Variants in OPHN1 observed in about 807,000 individuals in gnomAD.
OPHN1 encodes oligophrenin-1.
OPHN1 carries 11 observed loss-of-function variants against 60.7 expected under a neutral mutation model. That is an observed-to-expected ratio of 0.18 (90% CI 0.11 to 0.30). The LOEUF (loss-of-function observed/expected upper bound fraction) is 0.30, where lower values mean the gene tolerates loss of function less well. Among genes scored for constraint, OPHN1 ranks in the 10% least tolerant of loss-of-function variants. The probability of loss-of-function intolerance (pLI) is 1.00; values close to 1 mark genes in which losing one functional copy is unlikely to be tolerated. For synonymous variants in OPHN1, 226 were observed against 222.6 expected (o/e 1.02, Z -0.14); for missense variants, 449 against 611.0 (o/e 0.73, Z 2.80).
At chrX:68,220,454 C>A (rs1388395444) in intron 6 of OPHN1, among the ~76,000 whole-genome samples, 2 of 110,072 alleles carry the variant, frequency 1.8e-5, no homozygotes, top group Non-Finnish European at 3.8e-5. Context: ...ATTCTGATAC[C>A]AAAGCCTGGC....
intron 15 of OPHN1, among the ~76,000 whole-genome samples, chrX:68,153,921 T>C (rs1401692264): frequency 3.6e-5 from 4 of 111,755 alleles, no homozygotes; most frequent in Non-Finnish European, 7.5e-5. Context: ...AAGAATAATA[T>C]TAACATTTTT....
At chrX:68,127,004 T>A (rs1205594953) in intron 15 of OPHN1, among the ~76,000 whole-genome samples, 1 of 112,218 alleles carries the variant, frequency 8.9e-6, no homozygotes, top group East Asian at 2.8e-4. Flanking sequence ...TGACTCTTGC[T>A]TGTCTATAAA....
At chrX:68,315,579 A>C (rs1267267841) in intron 2 of OPHN1, among the ~76,000 whole-genome samples, 1 of 112,002 alleles carries the variant, frequency 8.9e-6, no homozygotes, top group African/African-American at 3.2e-5. Flanking sequence ...TAACAAGTAA[A>C]GAAAATAAAA....
chrX:68,390,718 C>T (rs183124001), intron 2 of OPHN1, among the ~76,000 whole-genome samples: 2 of 111,923 alleles, frequency 1.8e-5, no homozygotes, highest in East Asian at 5.6e-4. Flanking sequence ...ATGGTCCCTG[C>T]CCTTGTACAA....
intron 2 of OPHN1, among the ~76,000 whole-genome samples, chrX:68,413,595 C>T (rs992099489): frequency 1.7e-4 from 19 of 111,391 alleles, no homozygotes; most frequent in African/African-American, 5.9e-4. Context: ...CTCTCTGTTG[C>T]AATTCCAAAA....
intron 2 of OPHN1, among the ~76,000 whole-genome samples, chrX:68,343,940 G>C (rs1467535606): frequency 8.9e-6 from 1 of 111,899 alleles, no homozygotes; most frequent in Non-Finnish European, 1.9e-5. Flanking sequence ...CTGGCGTATA[G>C]CCTTGCTACT....
At chrX:68,427,857 G>A (rs758120515) in intron 2 of OPHN1, among the ~76,000 whole-genome samples, 4 of 110,273 alleles carry the variant, frequency 3.6e-5, no homozygotes, top group East Asian at 5.7e-4. Flanking sequence ...TAGGCTGGGC[G>A]TGGTGGCTCA....
intron 2 of OPHN1, among the ~76,000 whole-genome samples, chrX:68,385,606 A>G (rs1602375026): frequency 8.9e-6 from 1 of 112,495 alleles, no homozygotes; most frequent in East Asian, 2.8e-4. Flanking sequence ...TCTACATTTC[A>G]TATTCTGAAA....
At chrX:68,404,377 C>G (rs746824120) in intron 2 of OPHN1, among the ~76,000 whole-genome samples, 31 of 111,018 alleles carry the variant, frequency 2.8e-4, no homozygotes, top group Admixed American at 8.7e-4. Flanking sequence ...CCAGGATGGT[C>G]TCCATCTCTT....
intron 15 of OPHN1, among the ~76,000 whole-genome samples, chrX:68,183,485 A>T (rs1322499006): frequency 1.8e-5 from 2 of 112,016 alleles, no homozygotes; most frequent in Non-Finnish European, 3.8e-5. Context: ...GGGAGAACAA[A>T]GGTTAAAAAG....
chrX:68,108,906 G>A (rs1446682834), intron 18 of OPHN1, among the ~76,000 whole-genome samples: 1 of 111,435 alleles, frequency 9.0e-6, no homozygotes, highest in Non-Finnish European at 1.9e-5. Flanking sequence ...GGTATACTTA[G>A]AGGAATCTAG....
intron 6 of OPHN1, among the ~76,000 whole-genome samples, chrX:68,221,100 C>G (rs1288615755): frequency 5.2e-5 from 5 of 96,565 alleles, no homozygotes; most frequent in Non-Finnish European, 1.0e-4. Context: ...GATACAAAAT[C>G]AATGTACAAA....
At chrX:68,339,087 A>ATATAT (rs1167511529) in intron 2 of OPHN1, among the ~76,000 whole-genome samples, 5 of 90,984 alleles carry the variant, frequency 5.5e-5, no homozygotes, top group African/African-American at 2.6e-4. Flanking sequence ...GAAAAAAAAA[A>ATATAT]ATATATATAT....
chrX:68,214,725 G>A (rs987309929), intron 6 of OPHN1, among the ~76,000 whole-genome samples: 5 of 112,130 alleles, frequency 4.5e-5, no homozygotes, highest in Admixed American at 9.5e-5. Flanking sequence ...GGCCAAGTGC[G>A]GTAGCTCACA....
chrX:68,350,822 G>A (rs2078406887), intron 2 of OPHN1, among the ~76,000 whole-genome samples: 1 of 110,903 alleles, frequency 9.0e-6, no homozygotes, highest in Admixed American at 9.7e-5. Flanking sequence ...GTCAAAAAAA[G>A]CCTTTAAAAT....
chrX:68,372,375 T>A (rs1490628016), intron 2 of OPHN1, among the ~76,000 whole-genome samples: 1 of 111,450 alleles, frequency 9.0e-6, no homozygotes. Context: ...ATGCCACTGA[T>A]CTGTATACTT....
intron 10 of OPHN1, among the ~76,000 whole-genome samples, chrX:68,202,740 C>G (rs1446500425): frequency 9.1e-6 from 1 of 109,826 alleles, no homozygotes; most frequent in Non-Finnish European, 1.9e-5. Context: ...CGTGATCCAC[C>G]CACCTCAGCC....
At chrX:68,379,267 G>A (rs1289940574) in intron 2 of OPHN1, among the ~76,000 whole-genome samples, 1 of 111,536 alleles carries the variant, frequency 9.0e-6, no homozygotes, top group Non-Finnish European at 1.9e-5. Flanking sequence ...TATGATTTTT[G>A]CACATTGATT....
chrX:68,356,826 T>A (rs1308419514), intron 2 of OPHN1, among the ~76,000 whole-genome samples: 1 of 111,233 alleles, frequency 9.0e-6, no homozygotes, highest in African/African-American at 3.3e-5. Context: ...TAAAACAGTC[T>A]CCACAATAGG....
Sources: gnomAD v4.1 joint callset for allele counts (sites outside exome capture counted in the v4.1 genomes callset) on GRCh38, gnomAD v4.1.1 for gene constraint, MANE v1.5 for transcripts, NCBI Gene and HGNC (gene_info 2026-07-23, HGNC 2026-07-21) for gene names.